Variants in NLGN1 observed in about 807,000 individuals in gnomAD.
The protein encoded by NLGN1 is neuroligin 1, also known as neuroligin-1.
In NLGN1, 12 loss-of-function variants were observed where a neutral mutation model predicts 65.5. The ratio of observed to expected loss-of-function variants is 0.18; its 90% CI spans 0.12 to 0.30. NLGN1 has a LOEUF of 0.30. Ranked by LOEUF, NLGN1 falls within the 10% of genes least tolerant of loss-of-function variation. NLGN1 has a pLI of 1.00. For missense variants in NLGN1, 750 were observed against 1,007.1 expected (o/e 0.74, Z 3.46); for synonymous variants, 350 against 359.5 (o/e 0.97, Z 0.30).
intron 3 of NLGN1, among the ~76,000 whole-genome samples, chr3:173,774,314 G>T (rs188490169): frequency 6.6e-6 from 1 of 152,148 alleles, no homozygotes; most frequent in Admixed American, 6.6e-5. Flanking sequence ...TGTAAGTGGG[G>T]GAAGAGAAGG....
At chr3:174,170,973 A>G (rs1233319864) in intron 4 of NLGN1, among the ~76,000 whole-genome samples, 1 of 152,156 alleles carries the variant, frequency 6.6e-6, no homozygotes, top group African/African-American at 2.4e-5. Context: ...TGAAATGAAA[A>G]TTTACATTCA....
At chr3:174,257,835 A>T (rs531498875) in intron 4 of NLGN1, among the ~76,000 whole-genome samples, 1 of 151,428 alleles carries the variant, frequency 6.6e-6, no homozygotes, top group East Asian at 1.9e-4. Flanking sequence ...CTGAGTGTCA[A>T]CTTGATTGGA....
Position 174,147,419 on chromosome 3 carries a change from C to CTTTTT in NLGN1, c.647-127869_647-127865dup, listed in dbSNP as rs574298501. Among the ~76,000 whole-genome samples the CTTTTT allele has an allele frequency of 1.9e-3, 70 of 36,258 alleles. 11 individuals are homozygous for CTTTTT. Among genetic ancestry groups the CTTTTT allele is most frequent in the African/African-American group, 2.6e-3 (29 of 11,164 alleles). 23.8% of individuals were successfully genotyped at this position (36,258 alleles called of 152,430 possible). A position where few individuals can be genotyped will look rare whatever the true frequency, so the allele number is the denominator to read the frequency against. On this transcript the variant is annotated intron_variant, in intron 4 of 6. Coordinates refer to ENST00000457714, the Ensembl canonical transcript of NLGN1. ...TGAATTTTTGTGTAATGGCTCATGG[C>CTTTTT]TTTTTTTTTTTTTTTTTTTTTTTTT...
At chr3:173,640,773 C>T (rs1167995853) in intron 3 of NLGN1, among the ~76,000 whole-genome samples, 4 of 152,072 alleles carry the variant, frequency 2.6e-5, no homozygotes, top group Non-Finnish European at 4.4e-5. Flanking sequence ...TTTTTATGGC[C>T]AAGTCCAAAC....
At chr3:174,140,139 A>G (rs1722023284) in intron 4 of NLGN1, among the ~76,000 whole-genome samples, 1 of 152,240 alleles carries the variant, frequency 6.6e-6, no homozygotes, top group Admixed American at 6.5e-5. Flanking sequence ...TAACACCTTT[A>G]AAAACATTTG....
chr3:174,075,877 A>G (rs1740796181), intron 4 of NLGN1, among the ~76,000 whole-genome samples: 1 of 152,210 alleles, frequency 6.6e-6, no homozygotes, highest in Non-Finnish European at 1.5e-5. Context: ...TCAGTATCAA[A>G]TCATGCATGG....
At chr3:173,433,790 T>C (rs1717621576) in intron 1 of NLGN1, among the ~76,000 whole-genome samples, 1 of 152,184 alleles carries the variant, frequency 6.6e-6, no homozygotes, top group African/African-American at 2.4e-5. Flanking sequence ...TTATGCGTAA[T>C]GGAAGTTTCC....
At chr3:173,879,126 G>A (rs999626233) in intron 4 of NLGN1, among the ~76,000 whole-genome samples, 8 of 152,096 alleles carry the variant, frequency 5.3e-5, no homozygotes, top group Non-Finnish European at 1.0e-4. Context: ...CCTGAGTACA[G>A]GCAGCTGAGA....
At chr3:173,501,651 A>G (rs1185381365) in intron 2 of NLGN1, among the ~76,000 whole-genome samples, 2 of 150,002 alleles carry the variant, frequency 1.3e-5, no homozygotes, top group Non-Finnish European at 3.0e-5. Flanking sequence ...AATTATGTAT[A>G]ATTATATATA....
At chr3:173,854,008 A>G (rs1340621035) in intron 4 of NLGN1, among the ~76,000 whole-genome samples, 1 of 152,050 alleles carries the variant, frequency 6.6e-6, no homozygotes. Context: ...TACCTTTAAC[A>G]TATAACACTC....
intron 4 of NLGN1, among the ~76,000 whole-genome samples, chr3:174,055,574 T>G (rs1735879025): frequency 6.6e-6 from 1 of 151,960 alleles, no homozygotes; most frequent in Non-Finnish European, 1.5e-5. Context: ...CATTAAAGAT[T>G]TTAGGCACTC....
intron 4 of NLGN1, among the ~76,000 whole-genome samples, chr3:173,945,732 G>A (rs1436225544): frequency 1.3e-5 from 2 of 152,124 alleles, no homozygotes; most frequent in African/African-American, 4.8e-5. Flanking sequence ...GAGAGGTTTA[G>A]TCTTCAGTAT....
chr3:173,993,721 A>G (rs1346107057), intron 4 of NLGN1, among the ~76,000 whole-genome samples: 2 of 152,044 alleles, frequency 1.3e-5, no homozygotes, highest in Non-Finnish European at 2.9e-5. Context: ...ACAGTAATTC[A>G]GTTTTTCCAT....
rs529527185 is a variant in NLGN1, at chr3:173,596,657, G to C, written c.-320-7622G>C. Among the ~76,000 whole-genome samples, 556 of 118,828 alleles carry C rather than the reference G, an allele frequency of 4.7e-3. 12 individuals carry two copies. Among genetic ancestry groups the C allele is most frequent in the Admixed American group, 0.045 (531 of 11,810 alleles). The allele number at this position is 118,828 out of a possible 152,430, so 78.0% of individuals were successfully genotyped here. On this transcript the variant is annotated intron_variant, in intron 2 of 6. Transcript: ENST00000457714. ...TTATTATTACATGATGCTCATGGCA[G>C]AGTAAACTTGTCACCACTTTAGTTC...
intron 4 of NLGN1, among the ~76,000 whole-genome samples, chr3:174,039,425 C>T (rs537702318): frequency 1.3e-5 from 2 of 151,784 alleles, no homozygotes; most frequent in African/African-American, 4.9e-5. Context: ...TCTCCCCTTG[C>T]CCCCCATCCT....
chr3:173,526,472 G>A (rs1347588674), intron 2 of NLGN1, among the ~76,000 whole-genome samples: 1 of 151,544 alleles, frequency 6.6e-6, no homozygotes, highest in Non-Finnish European at 1.5e-5. Context: ...TTAAATTGTT[G>A]TGGGTACATA....
In NLGN1 at chr3:173,559,942, C is replaced by CT. The variant is rs35745476; in HGVS notation, c.-320-44317dup. Among the ~76,000 whole-genome samples, 262 of 108,334 alleles carry CT rather than the reference C, an allele frequency of 2.4e-3. 2 individuals carry two copies. The highest frequency in any genetic ancestry group is 3.8e-3 in the East Asian group (13 of 3,410). The allele number at this position is 108,334 out of a possible 152,430, so 71.1% of individuals were successfully genotyped here. A position where few individuals can be genotyped will look rare whatever the true frequency, so the allele number is the denominator to read the frequency against. ...GATAATGTTACTTTGTCTAGATACA[C>CT]TTTTTTTTTTTTTTTTTTTTGAGAC... On this transcript the variant is annotated intron_variant, in intron 2 of 6. Transcript: ENST00000457714.
At chr3:173,616,670 G>A (rs1334227678) in intron 3 of NLGN1, among the ~76,000 whole-genome samples, 3 of 151,984 alleles carry the variant, frequency 2.0e-5, no homozygotes, top group Admixed American at 2.0e-4. Context: ...CTTCTTCCCT[G>A]GTGCACGCTC....
chr3:173,642,423 G>A (rs1757562843), intron 3 of NLGN1, among the ~76,000 whole-genome samples: 1 of 152,160 alleles, frequency 6.6e-6, no homozygotes, highest in Admixed American at 6.5e-5. Context: ...TCTCCCTTGA[G>A]TATTAAGCAC....
Sources: allele counts gnomAD v4.1 joint callset (sites outside exome capture counted in the v4.1 genomes callset), GRCh38; gene constraint gnomAD v4.1.1; transcripts MANE v1.5; gene names NCBI Gene and HGNC (gene_info 2026-07-23, HGNC 2026-07-21).